GNL3L: variants seen among roughly 807,000 people sequenced by gnomAD.
GNL3L encodes the protein guanine nucleotide-binding protein-like 3-like protein.
Under a neutral mutation model 42.9 loss-of-function variants are expected in GNL3L, and 4 were observed. The observed-to-expected ratio is 0.09, with a 90% CI of 0.05 to 0.21. The LOEUF is 0.21. GNL3L is among the 10% of genes least tolerant of loss of function. The pLI, the probability that GNL3L is intolerant of heterozygous loss-of-function variation, is 1.00. For synonymous variants in GNL3L, 159 were observed against 176.3 expected (o/e 0.90, Z 0.78); for missense variants, 412 against 481.7 (o/e 0.86, Z 1.36).
chrX:54,579,986 GTTTTTT>G (rs869217575), intron 16 of GNL3L, among the ~76,000 whole-genome samples: 107 of 47,670 alleles, frequency 2.2e-3, no homozygotes, highest in African/African-American at 9.3e-3. Flanking sequence ...CCTAAAGTTT[GTTTTTT>G]TTTTTTTTTT....
chrX:54,619,801 G>C (rs1420195063), intron 16 of GNL3L, among the ~76,000 whole-genome samples: 1 of 111,399 alleles, frequency 9.0e-6, no homozygotes, highest in Non-Finnish European at 1.9e-5. Context: ...TCCACAGAAA[G>C]ACTGAGGCAA....
chrX:54,551,775 C>T (rs764411657), intron 11 of GNL3L, 33 bp downstream of exon 11: 7 of 1,209,114 alleles, frequency 5.8e-6, no homozygotes, highest in Non-Finnish European at 7.8e-6. Context: ...ATGCCCTGCC[C>T]TACTCTAAGG....
chrX:54,551,197 T>G, intron 10 of GNL3L, 147 bp downstream of exon 10: 1 of 483,812 alleles, frequency 2.1e-6, no homozygotes. Flanking sequence ...AGCCCTCATT[T>G]TCCTGATACA....
chrX:54,601,286 G>A (rs936866546), intron 16 of GNL3L, among the ~76,000 whole-genome samples: 3 of 111,763 alleles, frequency 2.7e-5, no homozygotes, highest in African/African-American at 9.8e-5. Context: ...TGTGATGGTG[G>A]TTGCACAATC....
chrX:54,597,050 T>C (rs1414745229), intron 16 of GNL3L, among the ~76,000 whole-genome samples: 1 of 111,080 alleles, frequency 9.0e-6, no homozygotes, highest in Non-Finnish European at 1.9e-5. Context: ...GCGGTGGAGC[T>C]GGTATCTAAG....
chrX:54,634,395 G>A, the GNL3L span, among the ~76,000 whole-genome samples: 4 of 111,994 alleles, frequency 3.6e-5, no homozygotes, highest in Non-Finnish European at 5.6e-5. Context: ...TCCATCTCCC[G>A]GGTTCAAATG....
chrX:54,575,858 C>T (rs766264359), intron 16 of GNL3L, among the ~76,000 whole-genome samples: 1 of 111,692 alleles, frequency 9.0e-6, no homozygotes, highest in East Asian at 2.8e-4. Flanking sequence ...TGCGGTGAGC[C>T]GAGATCGCAC....
chrX:54,577,618 C>T (rs1214826361), intron 16 of GNL3L, among the ~76,000 whole-genome samples: 2 of 111,869 alleles, frequency 1.8e-5, no homozygotes, highest in African/African-American at 6.5e-5. Context: ...TCTACTGTTT[C>T]CAAGAGTTTA....
At chrX:54,588,187 C>T (rs774515990) in intron 16 of GNL3L, among the ~76,000 whole-genome samples, 27 of 111,906 alleles carry the variant, frequency 2.4e-4, no homozygotes, top group Non-Finnish European at 4.9e-4. Context: ...CCTTTTCAAT[C>T]TGTATGTCTC....
rs1925266225 is a variant in GNL3L at position 54,561,382 on chromosome X, A to G, written c.*780A>G. On this transcript the variant is annotated 3_prime_UTR_variant, in exon 16 of 16. Coordinates refer to ENST00000360845, the MANE Select transcript of GNL3L (RefSeq NM_001184819.2). ...GTGGGCTTTGGGCCATGCATCTTCC[A>G]AGTCCATAGGTCTTCACCTGGGTGG... Among the ~76,000 whole-genome samples the G allele has an allele frequency of 8.9e-6, 1 of 112,400 alleles. No individual in the cohort carries two copies. The highest frequency in any genetic ancestry group is 9.4e-5 in the Admixed American group (1 of 10,592).
At chrX:54,581,073 G>A (rs748070996) in intron 16 of GNL3L, among the ~76,000 whole-genome samples, 265 of 111,821 alleles carry the variant, frequency 2.4e-3, no homozygotes, top group Non-Finnish European at 3.5e-3. Context: ...AAGCCACCAC[G>A]CCTGGCCTAA....
rs58172159 is a variant in GNL3L, at chrX:54,547,561, C to T, written c.631-668C>T. The stretch of plus-strand genomic sequence containing the variant: ...CTTTACTAAAAATACAAAAGTTAGC[C>T]GGGTGTGGTGGTGCATGCCTGTAGT... On this transcript the variant is annotated intron_variant, in intron 8 of 15. Coordinates refer to ENST00000360845, the MANE Select transcript of GNL3L (RefSeq NM_001184819.2). 4.7e-3 allele frequency among the ~76,000 whole-genome samples: 521 copies of T among 110,386 alleles called. 4 individuals are homozygous for T. The highest frequency in any genetic ancestry group is 0.016 in the African/African-American group (483 of 30,372).
the GNL3L span, among the ~76,000 whole-genome samples, chrX:54,628,817 G>A: frequency 1.9e-5 from 2 of 106,602 alleles, no homozygotes; most frequent in Admixed American, 1.0e-4. Context: ...TATGTGGGTC[G>A]TCTGTTTACT....
intron 16 of GNL3L, among the ~76,000 whole-genome samples, chrX:54,597,919 G>A (rs1467114886): frequency 9.0e-6 from 1 of 111,283 alleles, no homozygotes; most frequent in African/African-American, 3.3e-5. Context: ...CACTGCTGGG[G>A]GGATGGTGGA....
chrX:54,609,708 G>T (rs772816041), intron 16 of GNL3L, among the ~76,000 whole-genome samples: 3 of 111,875 alleles, frequency 2.7e-5, no homozygotes, highest in East Asian at 5.6e-4. Context: ...ATTGATCTAT[G>T]TGCCTATTTT....
intron 1 of GNL3L, among the ~76,000 whole-genome samples, chrX:54,531,648 G>A (rs1205264316): frequency 9.0e-6 from 1 of 111,509 alleles, no homozygotes; most frequent in Admixed American, 9.6e-5. Context: ...ATAGCTCACT[G>A]CAGGTAAGGT....
At chrX:54,574,983 G>T (rs7063016) in intron 16 of GNL3L, among the ~76,000 whole-genome samples, 1,232 of 111,804 alleles carry the variant, frequency 0.011, 14 homozygotes, top group African/African-American at 0.039. Flanking sequence ...ATTCAGATTT[G>T]ATAATTTGTG....
At chrX:54,552,616 G>A (rs1376908982) in intron 13 of GNL3L, among the ~76,000 whole-genome samples, 188 bp downstream of exon 13, 6 of 111,801 alleles carry the variant, frequency 5.4e-5, no homozygotes, top group Non-Finnish European at 1.1e-4. Flanking sequence ...CTGGCAGGGC[G>A]GGTTGGGGGA....
At chrX:54,626,281 ATT>A (rs1248678931), downstream of GNL3L, among the ~76,000 whole-genome samples, 10 of 111,655 alleles carry the variant, frequency 9.0e-5, no homozygotes, top group African/African-American at 3.2e-4. Context: ...AATATGCAGT[ATT>A]TATCGTTCTA....
Sources: gnomAD v4.1 joint callset for allele counts (sites outside exome capture counted in the v4.1 genomes callset) on GRCh38, gnomAD v4.1.1 for gene constraint, MANE v1.5 for transcripts, NCBI Gene and HGNC (gene_info 2026-07-23, HGNC 2026-07-21) for gene names.